The following TUBGCP3 variants were observed in gnomAD, a reference collection of about 807,000 sequenced individuals.
The protein encoded by TUBGCP3 is tubulin gamma complex component 3.
A neutral mutation model predicts 123.1 loss-of-function variants in TUBGCP3; 50 were observed. The ratio of observed to expected loss-of-function variants is 0.41; its 90% CI spans 0.32 to 0.51. The LOEUF is 0.51. Ranked by LOEUF, TUBGCP3 falls within the 20% of genes least tolerant of loss-of-function variation. The pLI is 0.36. For missense variants in TUBGCP3, 882 were observed against 1,127.0 expected, an observed-to-expected ratio of 0.78 and a Z score of 3.11; for synonymous variants, 405 against 413.9, an observed-to-expected ratio of 0.98 and a Z score of 0.26.
chr13:112,569,894 C>T (rs192666904), intron 1 of TUBGCP3, among the ~76,000 whole-genome samples: 2 of 152,190 alleles, frequency 1.3e-5, no homozygotes, highest in African/African-American at 4.8e-5. Context: ...ACAATGAAAC[C>T]GGAACACTAA....
At chr13:112,598,232 A>C in the TUBGCP3 span, among the ~76,000 whole-genome samples, 1 of 152,008 alleles carries the variant, frequency 6.6e-6, no homozygotes, top group Non-Finnish European at 1.5e-5. Flanking sequence ...AAAGAGAAAC[A>C]AAGGCTTTTT....
chr13:112,568,728 T>G (rs1268683123), intron 2 of TUBGCP3, among the ~76,000 whole-genome samples: 1 of 152,178 alleles, frequency 6.6e-6, no homozygotes, highest in East Asian at 1.9e-4. Context: ...CCCAGAGAAC[T>G]ATAAGGATGA....
intron 1 of TUBGCP3, 50 bp from the exon 2 acceptor site, chr13:112,569,309 T>C: frequency 1.3e-6 from 2 of 1,574,714 alleles, no homozygotes; most frequent in Non-Finnish European, 1.7e-6. Flanking sequence ...GGTTACGTTC[T>C]GGTCACCTGA....
At chr13:112,604,584 T>C in the TUBGCP3 span, 1 of 152,210 alleles carries the variant, frequency 6.6e-6, no homozygotes, top group East Asian at 1.9e-4. Flanking sequence ...AGAAGTGAGC[T>C]ACCATGCCTG....
Position 112,558,176 on chromosome 13 carries a change from A to G in TUBGCP3, c.548+20T>C. The G allele has an allele frequency of 6.2e-7, 1 of 1,601,340 alleles. No homozygotes were observed. The highest frequency in any genetic ancestry group is 2.2e-5 in the East Asian group (1 of 44,640). ...TGTTTCTAACACATAGAGAATCTAT[A>G]CACGTCAGTGTGGCCTTACCCTGGG... On this transcript the variant is annotated intron_variant, in intron 5 of 21. Coordinates refer to ENST00000261965, the MANE Select transcript of TUBGCP3 (RefSeq NM_006322.6).
chr13:112,535,946 G>C (rs1329017222), intron 11 of TUBGCP3, among the ~76,000 whole-genome samples: 1 of 152,106 alleles, frequency 6.6e-6, no homozygotes, highest in Non-Finnish European at 1.5e-5. Context: ...CTTTACATAT[G>C]GTGTATGACA....
chr13:112,519,092 G>T lies in TUBGCP3; in HGVS notation c.1882-49C>A. 6.8e-7 allele frequency: 1 copy of T among 1,472,492 alleles called. No homozygotes were observed. Among genetic ancestry groups the T allele is most frequent in the Non-Finnish European group, 9.5e-7 (1 of 1,052,204 alleles). 91.2% of individuals were successfully genotyped at this position (1,472,492 alleles called of 1,614,324 possible). A position where few individuals can be genotyped will look rare whatever the true frequency, so the allele number is the denominator to read the frequency against. Reference sequence around the variant, plus strand: ...ATTGCAAGACCTTAAGCTTCTTGCTGAAGAACTTGTTAACGCAAAGAAAAA... The same window carrying T: ...ATTGCAAGACCTTAAGCTTCTTGCTTAAGAACTTGTTAACGCAAAGAAAAA... On this transcript the variant is annotated intron_variant, in intron 15 of 21. Transcript: ENST00000261965. The surrounding 1 kb of genome is among the most constrained non-coding windows in gnomAD (Gnocchi z 6.2).
chr13:112,491,008 T>A (rs942229415), intron 20 of TUBGCP3, among the ~76,000 whole-genome samples: 1 of 152,222 alleles, frequency 6.6e-6, no homozygotes, highest in Non-Finnish European at 1.5e-5. Flanking sequence ...GTAAGTTCTT[T>A]CTCACTTGTT....
At chr13:112,583,998 C>G (rs1013175561) in intron 1 of TUBGCP3, 5 of 152,200 alleles carry the variant, frequency 3.3e-5, no homozygotes, top group African/African-American at 9.7e-5. Context: ...GTAAGTCCCA[C>G]ATTTAGAGAG....
At chr13:112,598,864 T>C in the TUBGCP3 span, among the ~76,000 whole-genome samples, 1 of 151,124 alleles carries the variant, frequency 6.6e-6, no homozygotes, top group African/African-American at 2.4e-5. Flanking sequence ...GAGAATCGCT[T>C]GAACCTGGAA....
intron 16 of TUBGCP3, 97 bp downstream of exon 16, chr13:112,518,878 G>A: frequency 9.7e-7 from 1 of 1,031,544 alleles, no homozygotes; most frequent in Admixed American, 1.8e-5. Flanking sequence ...GTGATCACTT[G>A]AATTAGAAGT....
chr13:112,557,267 T>C (rs1479003194), intron 5 of TUBGCP3, among the ~76,000 whole-genome samples: 1 of 152,248 alleles, frequency 6.6e-6, no homozygotes, highest in South Asian at 2.1e-4. Flanking sequence ...AATTCTAGAT[T>C]AAATGTGTCA....
chr13:112,529,846 C>A (rs985228512), intron 11 of TUBGCP3, among the ~76,000 whole-genome samples: 1 of 152,216 alleles, frequency 6.6e-6, no homozygotes, highest in Admixed American at 6.5e-5. Flanking sequence ...TCGTATCACA[C>A]CCAAAGTGCC....
At chr13:112,544,085 A>G (rs1181161885) in intron 11 of TUBGCP3, among the ~76,000 whole-genome samples, 6 of 152,226 alleles carry the variant, frequency 3.9e-5, no homozygotes, top group Non-Finnish European at 7.3e-5. Context: ...AATGAGGACC[A>G]TAACAGGAAG....
At position 112,499,252 on chromosome 13, in the gene TUBGCP3, A is replaced by G. The variant is rs1880731052; in HGVS notation, c.2308-67T>C. The G allele has an allele frequency of 2.4e-5, 36 of 1,513,112 alleles. No individual in the cohort carries two copies. In the South Asian group the frequency reaches 4.0e-4, roughly 17 times the overall value. 93.7% of individuals were successfully genotyped at this position (1,513,112 alleles called of 1,614,324 possible). A position where few individuals can be genotyped will look rare whatever the true frequency, so the allele number is the denominator to read the frequency against. On this transcript the variant is annotated intron_variant, in intron 19 of 21. Coordinates refer to ENST00000261965, the MANE Select transcript of TUBGCP3 (RefSeq NM_006322.6). ...GCTAAGTTTCTTAAACAAAACATTG[A>G]TATTTAGTGAAAAGATATTAGAAAA...
intron 20 of TUBGCP3, among the ~76,000 whole-genome samples, chr13:112,495,104 G>A (rs1313437517): frequency 6.6e-6 from 1 of 152,192 alleles, no homozygotes; most frequent in Non-Finnish European, 1.5e-5. Context: ...TTGGCTGCCA[G>A]TGCTTGCAGA....
At position 112,522,391 on chromosome 13, in the gene TUBGCP3, G is replaced by A; in HGVS notation, c.1674C>T (p.His558=). The change falls in exon 14 of 22, where the codon CAC becomes CAT. Residue 558 remains histidine (H), a synonymous_variant. Coordinates refer to ENST00000261965, the MANE Select transcript of TUBGCP3 (RefSeq NM_006322.6). The part of the protein sequence containing the change: ...VLNKKYSLLD[H]MQAMRRYLLL... ...GCAGGTACCGCCTCATTGCCTGCAT[G>A]TGGTCCAGCAAGCTGTACTTTTTAT... The A allele has an allele frequency of 6.2e-7, 1 of 1,614,056 alleles. No individual in the cohort carries two copies. Among genetic ancestry groups the A allele is most frequent in the Non-Finnish European group, 8.5e-7 (1 of 1,179,914 alleles).
At chr13:112,532,330 T>C (rs929018137) in intron 11 of TUBGCP3, among the ~76,000 whole-genome samples, 1 of 152,250 alleles carries the variant, frequency 6.6e-6, no homozygotes, top group Admixed American at 6.5e-5. Context: ...CAGTGCTAAA[T>C]AGATCCAGAG....
the TUBGCP3 span, among the ~76,000 whole-genome samples, chr13:112,601,955 T>C: frequency 6.6e-6 from 1 of 152,232 alleles, no homozygotes; most frequent in Non-Finnish European, 1.5e-5. Context: ...TTATGATCAC[T>C]GCACTATTGC....
Sources: gnomAD v4.1 joint callset for allele counts (sites outside exome capture counted in the v4.1 genomes callset) on GRCh38, gnomAD v4.1.1 for gene constraint, Gnocchi (gnomAD v3.1) non-coding constraint, MANE v1.5 for transcripts, NCBI Gene and HGNC (gene_info 2026-07-23, HGNC 2026-07-21) for gene names.